SDR16C5: variants seen among roughly 807,000 people sequenced by gnomAD.
SDR16C5 encodes epidermal retinol dehydrogenase 2.
SDR16C5 carries 20 observed loss-of-function variants against 27.7 expected under a neutral mutation model. That is an observed-to-expected ratio of 0.72 (90% CI 0.51 to 1.05). The LOEUF (loss-of-function observed/expected upper bound fraction) is 1.05, where lower values mean the gene tolerates loss of function less well. Among genes scored for constraint, SDR16C5 ranks in the 50% least tolerant of loss-of-function variants. The pLI, the probability that SDR16C5 is intolerant of heterozygous loss-of-function variation, is 0.00. For missense variants in SDR16C5, 374 were observed against 366.3 expected (o/e 1.02, Z -0.17); for synonymous variants, 139 against 132.3 (o/e 1.05, Z -0.35).
intron 2 of SDR16C5, among the ~76,000 whole-genome samples, chr8:56,314,631 G>A (rs1563443507): frequency 6.6e-6 from 1 of 152,188 alleles, no homozygotes; most frequent in Non-Finnish European, 1.5e-5. Context: ...GGAAGAGTGG[G>A]CCCAGCGTAG....
At position 56,316,094 on chromosome 8, in the gene SDR16C5, C is replaced by A; in HGVS notation, c.254G>T (p.Arg85Leu). 6.2e-7 allele frequency: 1 copy of A among 1,614,084 alleles called. No individual in the cohort carries two copies. The highest frequency in any genetic ancestry group is 8.5e-7 in the Non-Finnish European group (1 of 1,179,980). ...EGNEETCKMA[R>L]EAGATRVHAY... ...GTGCACTCTTGTGGCTCCAGCTTCCCGAGCCATCTTACATGTTTCCTCATT... is the reference window on the plus strand; with the variant it reads ...GTGCACTCTTGTGGCTCCAGCTTCCAGAGCCATCTTACATGTTTCCTCATT... The change falls in exon 2 of 7, where the codon CGG (arginine) becomes CTG (leucine). Residue 85 changes from arginine to leucine, a missense_variant. Transcript: ENST00000303749.
chr8:56,319,951 G>A (rs1016538784), intron 1 of SDR16C5, 108 bp downstream of exon 1: 2 of 152,350 alleles, frequency 1.3e-5, no homozygotes, highest in Admixed American at 6.5e-5. Flanking sequence ...GCGCCCCCTT[G>A]CGAGCGACCC....
intron 4 of SDR16C5, among the ~76,000 whole-genome samples, chr8:56,307,889 C>G (rs537042400): frequency 6.6e-6 from 1 of 152,128 alleles, no homozygotes; most frequent in African/African-American, 2.4e-5. Context: ...GCTGCAGGTG[C>G]GAGAGTCCTG....
At chr8:56,317,481 G>A (rs1259446186) in intron 1 of SDR16C5, among the ~76,000 whole-genome samples, 1 of 152,230 alleles carries the variant, frequency 6.6e-6, no homozygotes. Context: ...ATATTTAGCA[G>A]ACAGCATACT....
Position 56,301,346 on chromosome 8 carries a change from G to T in SDR16C5, c.*134C>A. On this transcript the variant is annotated 3_prime_UTR_variant, in exon 7 of 7. Transcript: ENST00000303749. ...TCAAACACATTGATTGAAAATTCTA[G>T]TCCAGATAACAGAATAGGAGTGGTA... The T allele has an allele frequency of 1.7e-6, 1 of 575,760 alleles. No individual in the cohort carries two copies. The highest frequency in any genetic ancestry group is 3.2e-5 in the South Asian group (1 of 31,696). The allele number at this position is 575,760 out of a possible 1,614,324, so 35.7% of individuals were successfully genotyped here.
chr8:56,316,107 A>G lies in SDR16C5; in HGVS notation c.241T>C (p.Cys81Arg). 2 of 1,614,120 alleles carry G rather than the reference A, an allele frequency of 1.2e-6. No homozygotes were observed. The highest frequency in any genetic ancestry group is 4.5e-5 in the East Asian group (2 of 44,876). ...GCTCCAGCTTCCCGAGCCATCTTACATGTTTCCTCATTCCCCTCCTTATTG... is the reference window on the plus strand; with the variant it reads ...GCTCCAGCTTCCCGAGCCATCTTACGTGTTTCCTCATTCCCCTCCTTATTG... The part of the protein sequence containing the change: ...DINKEGNEET[C>R]KMAREAGATR... The change falls in exon 2 of 7, where the codon TGT (cysteine) becomes CGT (arginine). Residue 81 changes from cysteine (C) to arginine (R), a missense_variant. By Grantham distance (180) the Cys-to-Arg change is radical. Transcript: ENST00000303749.
chr8:56,304,966 C>T (rs1814846250), intron 6 of SDR16C5, among the ~76,000 whole-genome samples: 2 of 152,106 alleles, frequency 1.3e-5, no homozygotes, highest in Admixed American at 6.6e-5. Context: ...GAGATGGGGT[C>T]TTCCTTTGTT....
chr8:56,308,971 G>A lies in SDR16C5; in HGVS notation c.522C>T (p.Cys174=), dbSNP rs768174908. The A allele has an allele frequency of 6.2e-7, 1 of 1,613,014 alleles. No homozygotes were observed. ...MIANDHGHLV[C]ISSSAGLSGV... is the part of the protein sequence containing the mutation. ...CACTTAATCCAGCTGAACTTGAAATGCAAACCAAATGTCCATGGTCATTAG... is the reference window on the plus strand; with the variant it reads ...CACTTAATCCAGCTGAACTTGAAATACAAACCAAATGTCCATGGTCATTAG... Residue 174 remains cysteine, a synonymous_variant, in exon 4 of 7, where the codon TGC becomes TGT. Transcript: ENST00000303749.
intron 3 of SDR16C5, among the ~76,000 whole-genome samples, chr8:56,310,904 C>A (rs1585915173): frequency 6.6e-6 from 1 of 152,074 alleles, no homozygotes; most frequent in South Asian, 2.1e-4. Flanking sequence ...TGAATCTTTC[C>A]ATTTTTCTCC....
Position 56,306,773 on chromosome 8 carries a change from A to T in SDR16C5, c.613T>A (p.Phe205Ile), listed in dbSNP as rs778541441. 1.9e-6 allele frequency: 3 copies of T among 1,613,538 alleles called. No homozygotes were observed. The highest frequency in any genetic ancestry group is 2.5e-6 in the Non-Finnish European group (3 of 1,179,904). Residue 205 changes from phenylalanine (F) to isoleucine (I), a missense_variant, in exon 5 of 7, where the codon TTT (phenylalanine) becomes ATT (isoleucine). Phe to Ile is a conservative substitution (Grantham distance 21). Transcript: ENST00000303749. ...TGTTTTTGGACAAATGTTTCTACAA[A>T]TACAGATTCAGCAAACCCAAAGGCT... ...FAAFGFAESV[F>I]VETFVQKQKG...
Position 56,316,134 on chromosome 8 carries a change from T to C in SDR16C5, c.214A>G (p.Ile72Val), listed in dbSNP as rs1563444403. 6.2e-7 allele frequency: 1 copy of C among 1,614,142 alleles called. No individual in the cohort carries two copies. Among genetic ancestry groups the C allele is most frequent in the Non-Finnish European group, 8.5e-7 (1 of 1,179,990 alleles). The stretch of plus-strand genomic sequence containing the variant: ...GTTTCCTCATTCCCCTCCTTATTGA[T>C]ATCCCAGAGAACAAGAACAGATCCC... ...RLGSVLVLWD[I>V]NKEGNEETCK... is the part of the protein sequence containing the mutation. The change falls in exon 2 of 7, where the codon ATC (isoleucine) becomes GTC (valine). Residue 72 changes from isoleucine (I) to valine (V), a missense_variant. Coordinates refer to ENST00000303749, the MANE Select transcript of SDR16C5 (RefSeq NM_138969.4).
At chr8:56,319,241 C>T (rs1444221374) in intron 1 of SDR16C5, among the ~76,000 whole-genome samples, 3 of 152,056 alleles carry the variant, frequency 2.0e-5, no homozygotes, top group Admixed American at 6.5e-5. Flanking sequence ...TTACATGTCT[C>T]CCCCTCTGCT....
In SDR16C5 at chr8:56,306,822, T is replaced by A; in HGVS notation, c.566-2A>T. ...CTGCAAATTTACTTGCACAGTAATC[T>A]GAAAAAGACAAAGCATGATAACGTA... On this transcript the variant is annotated splice_acceptor_variant, in intron 4 of 6. Transcript: ENST00000303749. LOFTEE classifies it high-confidence loss of function. 6.2e-7 allele frequency: 1 copy of A among 1,608,424 alleles called. No homozygotes were observed.
At chr8:56,319,520 G>C (rs1815280419) in intron 1 of SDR16C5, among the ~76,000 whole-genome samples, 1 of 152,190 alleles carries the variant, frequency 6.6e-6, no homozygotes, top group African/African-American at 2.4e-5. Flanking sequence ...AGTCTTCTAG[G>C]TGTCCCTATC....
chr8:56,315,193 C>T (rs905358666), intron 2 of SDR16C5, among the ~76,000 whole-genome samples: 2 of 150,276 alleles, frequency 1.3e-5, no homozygotes, highest in African/African-American at 2.4e-5. Context: ...TGTGGTGAGC[C>T]GAGATGGTGC....
intron 5 of SDR16C5, 37 bp downstream of exon 5, chr8:56,306,637 TAA>T (rs1396572783): frequency 6.6e-7 from 1 of 1,512,914 alleles, no homozygotes; most frequent in Non-Finnish European, 8.9e-7. Context: ...AAAACATTTT[TAA>T]GAGTGTAGAT....
chr8:56,311,339 C>T (rs769496607), intron 3 of SDR16C5, among the ~76,000 whole-genome samples: 3 of 152,110 alleles, frequency 2.0e-5, no homozygotes, highest in Non-Finnish European at 2.9e-5. Context: ...CGCTTGAATC[C>T]GGGAGGTTGG....
intron 4 of SDR16C5, among the ~76,000 whole-genome samples, chr8:56,308,589 A>G (rs777566781): frequency 1.3e-4 from 20 of 152,258 alleles, no homozygotes; most frequent in Admixed American, 3.9e-4. Flanking sequence ...AGACAGGGTC[A>G]TCCTCCTTAC....
intron 4 of SDR16C5, among the ~76,000 whole-genome samples, chr8:56,308,315 GT>G (rs369968399): frequency 6.6e-5 from 10 of 152,204 alleles, no homozygotes; most frequent in South Asian, 2.1e-4. Context: ...GCTGTGGTAG[GT>G]TAGGTCAAGA....
Sources: allele counts gnomAD v4.1 joint callset (sites outside exome capture counted in the v4.1 genomes callset), GRCh38; gene constraint gnomAD v4.1.1; transcripts MANE v1.5; gene names NCBI Gene and HGNC (gene_info 2026-07-23, HGNC 2026-07-21).